The following SGCD variants were observed in gnomAD, a reference collection of about 807,000 sequenced individuals.
The protein encoded by SGCD is delta-sarcoglycan.
Under a neutral mutation model 36.6 loss-of-function variants are expected in SGCD, and 18 were observed. That is an observed-to-expected ratio of 0.49 (90% confidence interval 0.34 to 0.73). SGCD has a LOEUF of 0.73. Ranked by LOEUF, SGCD falls within the 30% of genes least tolerant of loss-of-function variation. The pLI, the probability that SGCD is intolerant of heterozygous loss-of-function variation, is 0.01. For missense variants in SGCD, 387 were observed against 346.7 expected, an observed-to-expected ratio of 1.12 and a Z score of -0.92; for synonymous variants, 133 against 130.6, an observed-to-expected ratio of 1.02 and a Z score of -0.12.
At chr5:155,868,618 G>A (rs1337674294), upstream of SGCD, among the ~76,000 whole-genome samples, 1 of 151,816 alleles carries the variant, frequency 6.6e-6, no homozygotes, top group Admixed American at 6.6e-5. Flanking sequence ...GAAATGAAGG[G>A]ATCTAGCAAA....
chr5:156,396,483 G>T (rs1771854793), intron 3 of SGCD, among the ~76,000 whole-genome samples: 1 of 152,156 alleles, frequency 6.6e-6, no homozygotes, highest in African/African-American at 2.4e-5. Flanking sequence ...TGGGGCTTAG[G>T]TAAGCGGGGT....
chr5:156,312,676 C>A (rs1258979005), intron 3 of SGCD, among the ~76,000 whole-genome samples: 1 of 152,120 alleles, frequency 6.6e-6, no homozygotes, highest in Non-Finnish European at 1.5e-5. Flanking sequence ...GCTATGTAAC[C>A]TCTCTGTACC....
At chr5:156,440,384 T>G (rs1753431687) in intron 3 of SGCD, among the ~76,000 whole-genome samples, 1 of 152,226 alleles carries the variant, frequency 6.6e-6, no homozygotes, top group Non-Finnish European at 1.5e-5. Context: ...GCATTTGGGT[T>G]GTTTCTGCTT....
At chr5:155,747,849 C>G in the SGCD span, among the ~76,000 whole-genome samples, 4 of 152,162 alleles carry the variant, frequency 2.6e-5, no homozygotes, top group African/African-American at 9.7e-5. Context: ...TGACGTTTCT[C>G]AAGATTTCAC....
chr5:156,135,088 G>T (rs145514209), intron 3 of SGCD, among the ~76,000 whole-genome samples: 1 of 152,098 alleles, frequency 6.6e-6, no homozygotes, highest in Non-Finnish European at 1.5e-5. Context: ...TCTGCATAGC[G>T]TATAGTAAGT....
chr5:155,811,239 A>T, the SGCD span, among the ~76,000 whole-genome samples: 1 of 152,140 alleles, frequency 6.6e-6, no homozygotes, highest in East Asian at 1.9e-4. Flanking sequence ...CTGATACTGG[A>T]TATCACATGT....
intron 1 of SGCD, among the ~76,000 whole-genome samples, chr5:155,998,045 G>A (rs546260727): frequency 6.6e-6 from 1 of 152,234 alleles, no homozygotes; most frequent in African/African-American, 2.4e-5. Context: ...GCACGTGTCA[G>A]GGACTGCCTC....
rs1765059220 is a variant in SGCD at position 156,232,995 on chromosome 5, G to A, written c.-43-96539G>A. ...GGTAGCTAGAGATGAAAAGCTAGTG[G>A]CAGACTGGCTGAGAGGAGTTCTTGA... On this transcript the variant is annotated intron_variant, in intron 3 of 9. Coordinates refer to the SGCD transcript ENST00000517913. Among the ~76,000 whole-genome samples the A allele has an allele frequency of 2.0e-5, 3 of 152,154 alleles. No homozygotes were observed. In the South Asian group the frequency reaches 6.2e-4, roughly 32 times the overall value.
the SGCD span, among the ~76,000 whole-genome samples, chr5:155,740,481 AC>A: frequency 6.6e-6 from 1 of 152,174 alleles, no homozygotes; most frequent in South Asian, 2.1e-4. Flanking sequence ...AATCACTCAA[AC>A]TGAAATCCTT....
intron 8 of SGCD, among the ~76,000 whole-genome samples, chr5:156,758,763 C>A (rs1357666478): frequency 6.6e-6 from 1 of 150,900 alleles, no homozygotes; most frequent in East Asian, 1.9e-4. Context: ...ATTCTATAGA[C>A]CATCAGCCCC....
chr5:156,229,480 C>T (rs921533086), intron 3 of SGCD, among the ~76,000 whole-genome samples: 1 of 151,164 alleles, frequency 6.6e-6, no homozygotes, highest in African/African-American at 2.4e-5. Context: ...TTTGAGGAGA[C>T]TGAAGATAGA....
chr5:156,474,222 T>C (rs1755086780), intron 3 of SGCD, among the ~76,000 whole-genome samples: 1 of 152,152 alleles, frequency 6.6e-6, no homozygotes, highest in Non-Finnish European at 1.5e-5. Flanking sequence ...AAAAGAACTA[T>C]CAAGCCCAAA....
At chr5:156,095,291 G>C (rs1296162426) in intron 1 of SGCD, among the ~76,000 whole-genome samples, 3 of 152,210 alleles carry the variant, frequency 2.0e-5, no homozygotes, top group Non-Finnish European at 1.5e-5. Context: ...GGGGAGGGGA[G>C]ATGGAAAATG....
At chr5:156,636,604 G>A (rs1229138552) in intron 6 of SGCD, among the ~76,000 whole-genome samples, 1 of 152,140 alleles carries the variant, frequency 6.6e-6, no homozygotes, top group East Asian at 1.9e-4. Flanking sequence ...TTTGACCTGG[G>A]CCTTATAGGA....
intron 6 of SGCD, among the ~76,000 whole-genome samples, chr5:156,632,457 A>G (rs2113536169): frequency 6.6e-6 from 1 of 152,210 alleles, no homozygotes; most frequent in African/African-American, 2.4e-5. Flanking sequence ...TATTTTGAAG[A>G]CCTTTCTTTG....
At chr5:156,331,621 T>C (rs1768070322) in intron 2 of SGCD, among the ~76,000 whole-genome samples, 1 of 152,222 alleles carries the variant, frequency 6.6e-6, no homozygotes, top group South Asian at 2.1e-4. Flanking sequence ...AGGATCAGAC[T>C]GTCTTGTGAG....
At chr5:155,792,748 A>G in the SGCD span, among the ~76,000 whole-genome samples, 46 of 152,252 alleles carry the variant, frequency 3.0e-4, no homozygotes, top group African/African-American at 1.0e-3. Context: ...ACGAAGTAAA[A>G]AAATAACAGG....
At chr5:156,334,863 A>G (rs1445380791) in intron 2 of SGCD, among the ~76,000 whole-genome samples, 9 of 152,038 alleles carry the variant, frequency 5.9e-5, no homozygotes, top group African/African-American at 1.7e-4. Context: ...AGTGTTTCAA[A>G]TGCATTTCAC....
At chr5:155,863,274 C>T in the SGCD span, among the ~76,000 whole-genome samples, 2 of 152,132 alleles carry the variant, frequency 1.3e-5, no homozygotes, top group Admixed American at 6.6e-5. Context: ...AGCAGGTTCT[C>T]ATTATGCTTT....
Sources: gnomAD v4.1 joint callset for allele counts (sites outside exome capture counted in the v4.1 genomes callset) on GRCh38, gnomAD v4.1.1 for gene constraint, MANE v1.5 for transcripts, NCBI Gene and HGNC (gene_info 2026-07-23, HGNC 2026-07-21) for gene names.